Variants in PSORS1C1 observed in about 807,000 individuals in gnomAD.
The protein encoded by PSORS1C1 is psoriasis susceptibility 1 candidate 1, also known as psoriasis susceptibility 1 candidate gene 1 protein.
Under a neutral mutation model 9.4 loss-of-function variants are expected in PSORS1C1, and 7 were observed. The ratio of observed to expected loss-of-function variants is 0.75; its 90% CI spans 0.42 to 1.40. PSORS1C1 has a LOEUF of 1.40. Ranked by LOEUF, PSORS1C1 falls within the 40% of genes most tolerant of loss-of-function variation. The pLI, the probability that PSORS1C1 is intolerant of heterozygous loss-of-function variation, is 0.01. For missense variants in PSORS1C1, 146 were observed against 178.1 expected, an observed-to-expected ratio of 0.82 and a Z score of 1.02; for synonymous variants, 63 against 69.4, an observed-to-expected ratio of 0.91 and a Z score of 0.46.
intron 1 of PSORS1C1, chr6:31,116,997 G>A (rs992757289): frequency 6.2e-7 from 1 of 1,614,230 alleles, no homozygotes; most frequent in Non-Finnish European, 8.5e-7. Flanking sequence ...TTTGGCCACT[G>A]CTGGATACCC....
intron 1 of PSORS1C1, chr6:31,116,347 C>T (rs985884890): frequency 1.2e-6 from 2 of 1,612,688 alleles, no homozygotes; most frequent in Admixed American, 1.7e-5. Flanking sequence ...TGGTGGGGAG[C>T]AGGGGCTCTG....
At position 31,137,965 on chromosome 6, in the gene PSORS1C1, C is replaced by T. The variant is rs1248692773; in HGVS notation, c.14-465C>T. ...AGGGGACTCCATTATCTGTACTCTT[C>T]CCGGGGTGGGTCTAGGTCTGGCTCC... On this transcript the variant is annotated intron_variant, in intron 3 of 5. Coordinates refer to ENST00000259881, the MANE Select transcript of PSORS1C1 (RefSeq NM_014068.3). 13 of 1,496,156 alleles carry T rather than the reference C, an allele frequency of 8.7e-6. No homozygotes were observed. The South Asian group carries it at 1.8e-4, about 21-fold the overall frequency. The allele number at this position is 1,496,156 out of a possible 1,614,324, so 92.7% of individuals were successfully genotyped here. A position where few individuals can be genotyped will look rare whatever the true frequency, so the allele number is the denominator to read the frequency against.
intron 1 of PSORS1C1, chr6:31,116,276 G>C: frequency 6.2e-7 from 1 of 1,614,150 alleles, no homozygotes; most frequent in Non-Finnish European, 8.5e-7. Context: ...CTGCCACAAG[G>C]CTGAAGGATG....
At chr6:31,135,513 G>T (rs1475677079) in intron 3 of PSORS1C1, among the ~76,000 whole-genome samples, 3 of 152,140 alleles carry the variant, frequency 2.0e-5, no homozygotes, top group Non-Finnish European at 4.4e-5. Flanking sequence ...CACCATGCCT[G>T]GCCATGTCAG....
At chr6:31,117,171 C>T (rs1464187613) in intron 1 of PSORS1C1, 7 of 1,611,542 alleles carry the variant, frequency 4.3e-6, no homozygotes, top group East Asian at 2.2e-5. Context: ...TGCTGCTTCC[C>T]GAGTGAGAGC....
At chr6:31,120,467 G>C (rs772997751) in intron 1 of PSORS1C1, 6 of 1,440,344 alleles carry the variant, frequency 4.2e-6, no homozygotes, top group Non-Finnish European at 4.8e-6. Flanking sequence ...GGACACCCGG[G>C]TCCTTTATGC....
intron 1 of PSORS1C1, chr6:31,116,520 C>A: frequency 6.2e-7 from 1 of 1,612,916 alleles, no homozygotes; most frequent in Non-Finnish European, 8.5e-7. Flanking sequence ...ATGCAATGGC[C>A]GAGGAAGCTG....
chr6:31,138,334 AGGT>A (rs757713558), intron 3 of PSORS1C1, 93 bp from the exon 4 acceptor site: 2 of 1,607,716 alleles, frequency 1.2e-6, no homozygotes, highest in East Asian at 4.5e-5. Context: ...GAAAGGTAAG[AGGT>A]GGTGAGGGCT....
intron 3 of PSORS1C1, among the ~76,000 whole-genome samples, chr6:31,134,107 A>T (rs1261191877): frequency 2.7e-5 from 4 of 146,874 alleles, no homozygotes; most frequent in East Asian, 2.0e-4. Context: ...GCCTCCTGAG[A>T]AGCTGGGATT....
chr6:31,127,946 C>T (rs1669238265), intron 2 of PSORS1C1, among the ~76,000 whole-genome samples: 1 of 152,254 alleles, frequency 6.6e-6, no homozygotes, highest in South Asian at 2.1e-4. Context: ...TATCTCTCTC[C>T]TCCCTCACTG....
chr6:31,117,838 C>T, intron 1 of PSORS1C1: 1 of 388,260 alleles, frequency 2.6e-6, no homozygotes, highest in Non-Finnish European at 4.8e-6. Context: ...GTGGCTCACG[C>T]CGGTAATCCC....
chr6:31,120,208 T>C, intron 1 of PSORS1C1: 1 of 743,258 alleles, frequency 1.3e-6, no homozygotes, highest in Non-Finnish European at 2.3e-6. Flanking sequence ...GAGGCGACCA[T>C]ACAGTGAGGA....
intron 3 of PSORS1C1, among the ~76,000 whole-genome samples, chr6:31,132,990 G>T (rs1046905236): frequency 6.6e-6 from 1 of 151,910 alleles, no homozygotes; most frequent in African/African-American, 2.4e-5. Context: ...GTTGGTTAAG[G>T]TCTGGGGGCG....
Position 31,139,530 on chromosome 6 carries a change from T to A in PSORS1C1, c.168-111T>A. 9.7e-7 allele frequency: 1 copy of A among 1,031,040 alleles called. No individual in the cohort carries two copies. The highest frequency in any genetic ancestry group is 1.4e-6 in the Non-Finnish European group (1 of 709,110). The allele number at this position is 1,031,040 out of a possible 1,614,324, so 63.9% of individuals were successfully genotyped here. On this transcript the variant is annotated intron_variant, in intron 5 of 5. Transcript: ENST00000259881. The surrounding 1 kb of genome is among the most constrained non-coding windows in gnomAD (Gnocchi z 5.2). ...GACAGTGTCAGCTACTACCCCAGCC[T>A]CCCCACTCACCCCCGCACTGAAAGC...
chr6:31,134,769 T>C (rs1773075034), intron 3 of PSORS1C1, among the ~76,000 whole-genome samples: 1 of 152,190 alleles, frequency 6.6e-6, no homozygotes, highest in Non-Finnish European at 1.5e-5. Flanking sequence ...GCTCCTGTCC[T>C]TCTAACCTGA....
In PSORS1C1 at chr6:31,139,949, C is replaced by T; in HGVS notation, c.*17C>T. ...TTGATCTAAGCCTCCCAGAGAGACC[C>T]CTAGAACGTTTCCCTCAAGGACCTT... On this transcript the variant is annotated 3_prime_UTR_variant, in exon 6 of 6. Coordinates refer to ENST00000259881, the MANE Select transcript of PSORS1C1 (RefSeq NM_014068.3). The surrounding 1 kb of genome is among the most constrained non-coding windows in gnomAD (Gnocchi z 5.2). The T allele has an allele frequency of 1.3e-6, 2 of 1,599,274 alleles. No individual in the cohort carries two copies. The highest frequency in any genetic ancestry group is 1.1e-5 in the South Asian group (1 of 90,766).
At chr6:31,124,586 T>C (rs1327141784) in intron 1 of PSORS1C1, among the ~76,000 whole-genome samples, 1 of 152,214 alleles carries the variant, frequency 6.6e-6, no homozygotes, top group Non-Finnish European at 1.5e-5. Flanking sequence ...TGGCAGAGGT[T>C]CATGGACAGG....
chr6:31,130,261 A>T (rs1379208263), intron 3 of PSORS1C1, among the ~76,000 whole-genome samples: 4 of 142,830 alleles, frequency 2.8e-5, no homozygotes, highest in African/African-American at 7.7e-5. Flanking sequence ...CCTAGGCACA[A>T]TTTTTTTTTT....
intron 3 of PSORS1C1, among the ~76,000 whole-genome samples, chr6:31,130,132 CCTAA>C (rs1436443580): frequency 2.0e-5 from 3 of 149,290 alleles, no homozygotes; most frequent in South Asian, 2.1e-4. Context: ...TTTTTTTCCT[CCTAA>C]CTAATTCCAC....
Sources: allele counts gnomAD v4.1 joint callset (sites outside exome capture counted in the v4.1 genomes callset), GRCh38; gene constraint gnomAD v4.1.1; non-coding constraint Gnocchi (gnomAD v3.1); transcripts MANE v1.5; gene names NCBI Gene and HGNC (gene_info 2026-07-23, HGNC 2026-07-21).